PPP4R4: variants seen among roughly 807,000 people sequenced by gnomAD.
PPP4R4 encodes the protein protein phosphatase 4 regulatory subunit 4.
PPP4R4 carries 70 observed loss-of-function variants against 121.8 expected under a neutral mutation model. The ratio of observed to expected loss-of-function variants is 0.57; its 90% CI spans 0.47 to 0.70. The LOEUF (loss-of-function observed/expected upper bound fraction) is 0.70, where lower values mean the gene tolerates loss of function less well. PPP4R4 is among the 30% of genes least tolerant of loss of function. The pLI is 0.00. For missense variants in PPP4R4, 875 were observed against 1,033.6 expected, an observed-to-expected ratio of 0.85 and a Z score of 2.10; for synonymous variants, 348 against 355.7, an observed-to-expected ratio of 0.98 and a Z score of 0.24.
chr14:94,260,792 C>A (rs1372358810), intron 19 of PPP4R4, among the ~76,000 whole-genome samples: 1 of 151,968 alleles, frequency 6.6e-6, no homozygotes, highest in Non-Finnish European at 1.5e-5. Context: ...TTAATGGTGT[C>A]TTTTGAACAA....
chr14:94,247,535 G>C (rs1892960917), intron 14 of PPP4R4, among the ~76,000 whole-genome samples: 1 of 152,192 alleles, frequency 6.6e-6, no homozygotes, highest in South Asian at 2.1e-4. Context: ...AAAAAATTGA[G>C]GAGGAAGTGT....
chr14:94,199,828 G>A (rs1890079015), intron 2 of PPP4R4, among the ~76,000 whole-genome samples: 1 of 152,166 alleles, frequency 6.6e-6, no homozygotes, highest in South Asian at 2.1e-4. Context: ...TTAACATCTA[G>A]CTGCGTGTGT....
At chr14:94,272,458 G>GA (rs1894386748) in intron 23 of PPP4R4, among the ~76,000 whole-genome samples, 1 of 152,050 alleles carries the variant, frequency 6.6e-6, no homozygotes, top group African/African-American at 2.4e-5. Flanking sequence ...ACACCCACAT[G>GA]AAAAAACAAA....
At chr14:94,227,916 T>G (rs1891805932) in intron 3 of PPP4R4, 1 of 966,280 alleles carries the variant, frequency 1.0e-6, no homozygotes, top group Non-Finnish European at 1.2e-6. Flanking sequence ...ATTGTTAGTG[T>G]GGAAGAAATG....
At chr14:94,273,005 T>C (rs1595552902) in intron 23 of PPP4R4, among the ~76,000 whole-genome samples, 1 of 152,198 alleles carries the variant, frequency 6.6e-6, no homozygotes, top group Non-Finnish European at 1.5e-5. Context: ...CTGGTGAGGA[T>C]GTGAAGCAAT....
chr14:94,211,422 G>T (rs1890731478), intron 3 of PPP4R4, among the ~76,000 whole-genome samples: 1 of 152,178 alleles, frequency 6.6e-6, no homozygotes, highest in South Asian at 2.1e-4. Flanking sequence ...GAAAGAAGCA[G>T]CCATTTGAGA....
At chr14:94,272,225 G>T (rs1314338326) in intron 23 of PPP4R4, among the ~76,000 whole-genome samples, 2 of 152,156 alleles carry the variant, frequency 1.3e-5, no homozygotes, top group Non-Finnish European at 2.9e-5. Flanking sequence ...GAAGAACAAA[G>T]CTAGAAGATT....
At position 94,231,322 on chromosome 14, in the gene PPP4R4, C is replaced by G. The variant is rs1185123772; in HGVS notation, c.516+7C>G. The G allele has an allele frequency of 1.3e-6, 2 of 1,594,766 alleles. No individual in the cohort carries two copies. The highest frequency in any genetic ancestry group is 1.7e-5 in the Admixed American group (1 of 59,778). ...AGAAACCCTACGGCATGAGGTAATA[C>G]TTTCATGGGGGCAAATACTAATAAG... On this transcript the variant is annotated splice_region_variant and intron_variant, in intron 5 of 24. Coordinates refer to ENST00000304338, the MANE Select transcript of PPP4R4 (RefSeq NM_058237.2).
At chr14:94,234,489 T>C in intron 6 of PPP4R4, 73 bp from the exon 7 acceptor site, 1 of 902,960 alleles carries the variant, frequency 1.1e-6, no homozygotes, top group Non-Finnish European at 1.8e-6. Flanking sequence ...GTTAAGATTT[T>C]AATGATAATT....
chr14:94,178,360 A>G (rs1463312768), intron 2 of PPP4R4, among the ~76,000 whole-genome samples: 1 of 150,546 alleles, frequency 6.6e-6, no homozygotes. Flanking sequence ...TGTTATATAT[A>G]TATTTTCTCT....
intron 19 of PPP4R4, among the ~76,000 whole-genome samples, chr14:94,261,546 T>C (rs1893786746): frequency 6.6e-6 from 1 of 152,102 alleles, no homozygotes. Context: ...TTCTATTCAA[T>C]ATTTATGCCT....
intron 9 of PPP4R4, among the ~76,000 whole-genome samples, chr14:94,241,331 T>C (rs1892623589): frequency 6.6e-6 from 1 of 152,084 alleles, no homozygotes. Context: ...ATTCCATTGA[T>C]TAAAAATATT....
rs545954526 is a variant in PPP4R4 at position 94,211,122 on chromosome 14, T to G, written c.294+2556T>G. On this transcript the variant is annotated intron_variant, in intron 3 of 24. Transcript: ENST00000304338. ...GGCATTCTCATTCATTCATAAATAT[T>G]TACTGAGTCCTTTTATAAGGCAGGC... 5.9e-5 allele frequency among the ~76,000 whole-genome samples: 9 copies of G among 152,290 alleles called. No individual in the cohort carries two copies. The South Asian group carries it at 1.7e-3, about 28-fold the overall frequency.
intron 5 of PPP4R4, 118 bp from the exon 6 acceptor site, chr14:94,233,535 C>A (rs765513245): frequency 4.8e-6 from 3 of 628,588 alleles, no homozygotes. Flanking sequence ...AACCTCAAAT[C>A]GTAATTCAGG....
intron 3 of PPP4R4, among the ~76,000 whole-genome samples, chr14:94,217,686 A>G (rs1392447946): frequency 6.6e-6 from 1 of 152,168 alleles, no homozygotes; most frequent in African/African-American, 2.4e-5. Context: ...GGATCTATAA[A>G]ATAATCAAAT....
At chr14:94,228,541 TAGAA>T (rs1290361109) in intron 3 of PPP4R4, among the ~76,000 whole-genome samples, 2 of 152,178 alleles carry the variant, frequency 1.3e-5, no homozygotes, top group East Asian at 3.8e-4. Context: ...ATGGACATGA[TAGAA>T]AGAGGATTGA....
Position 94,251,838 on chromosome 14 carries a change from T to C in PPP4R4, c.1807T>C (p.Cys603Arg). 1 of 1,598,976 alleles carries C rather than the reference T, an allele frequency of 6.3e-7. No homozygotes were observed. Among genetic ancestry groups the C allele is most frequent in the Non-Finnish European group, 8.5e-7 (1 of 1,170,194 alleles). The change falls in exon 16 of 25, where the codon TGT (cysteine) becomes CGT (arginine). Residue 603 changes from cysteine to arginine, a missense_variant. Physicochemically the swap from Cys to Arg is radical, Grantham distance 180 (BLOSUM62 -3). Coordinates refer to ENST00000304338, the MANE Select transcript of PPP4R4 (RefSeq NM_058237.2). ...IIEIFSKSFF[C>R]KYFFLPAIEL... ...AGAGATATTTTCAAAATCATTTTTC[T>C]GTAAATATTTCTTTCTACCTGCTAT... is the stretch of plus-strand genomic sequence containing the variant.
At chr14:94,212,983 G>A (rs183615296) in intron 3 of PPP4R4, among the ~76,000 whole-genome samples, 7 of 152,154 alleles carry the variant, frequency 4.6e-5, no homozygotes, top group African/African-American at 7.2e-5. Context: ...AAAAGAAATC[G>A]AGCAATTCCA....
intron 2 of PPP4R4, among the ~76,000 whole-genome samples, chr14:94,177,330 C>T (rs1424446783): frequency 3.3e-5 from 5 of 152,136 alleles, no homozygotes; most frequent in Non-Finnish European, 5.9e-5. Flanking sequence ...AAGAAAACTT[C>T]TATTTATGTG....
Sources: gnomAD v4.1 joint callset for allele counts (sites outside exome capture counted in the v4.1 genomes callset) on GRCh38, gnomAD v4.1.1 for gene constraint, MANE v1.5 for transcripts, NCBI Gene and HGNC (gene_info 2026-07-23, HGNC 2026-07-21) for gene names.